The following FER1L6 variants were observed in gnomAD, a reference collection of about 807,000 sequenced individuals.
FER1L6 encodes the protein fer-1-like protein 6.
In FER1L6, 177 loss-of-function variants were observed where a neutral mutation model predicts 219.2. That is an observed-to-expected ratio of 0.81 (90% CI 0.71 to 0.91). The LOEUF (loss-of-function observed/expected upper bound fraction) is 0.91, where lower values mean the gene tolerates loss of function less well. FER1L6 is among the 40% of genes least tolerant of loss of function. FER1L6 has a pLI of 0.00. For missense variants in FER1L6, 2,153 were observed against 2,259.9 expected, an observed-to-expected ratio of 0.95 and a Z score of 0.96; for synonymous variants, 768 against 824.3, an observed-to-expected ratio of 0.93 and a Z score of 1.17.
intron 2 of FER1L6, among the ~76,000 whole-genome samples, chr8:123,961,117 C>T (rs992157086): frequency 1.1e-4 from 17 of 151,970 alleles, no homozygotes; most frequent in East Asian, 1.9e-4. Context: ...AAAAATTCAC[C>T]GGTTGTGGTG....
At chr8:124,020,348 G>C (rs1268796188) in intron 16 of FER1L6, among the ~76,000 whole-genome samples, 1 of 152,006 alleles carries the variant, frequency 6.6e-6, no homozygotes, top group Non-Finnish European at 1.5e-5. Context: ...GCTTTAGGAT[G>C]GACAAAGTTT....
chr8:123,911,016 A>G (rs116294371), intron 1 of FER1L6, among the ~76,000 whole-genome samples: 1 of 152,082 alleles, frequency 6.6e-6, no homozygotes, highest in Non-Finnish European at 1.5e-5. Flanking sequence ...CCAGGTACTG[A>G]AAAATGGAGC....
In FER1L6 at chr8:123,975,973, AG is replaced by A. The variant is rs773655660; in HGVS notation, c.762del (p.Leu255CysfsTer4). ...TCTATGTGAGACTCTACAAAGCAGAAGGGTTGCCCAAAATGAATTCAAGCAT... is the reference window on the plus strand; with the variant it reads ...TCTATGTGAGACTCTACAAAGCAGAAGGTTGCCCAAAATGAATTCAAGCAT... ...RFYVRLYKAE[G>X]LPKMNSSIMA... On this transcript the variant is annotated frameshift_variant, in exon 9 of 41. Transcript: ENST00000522917. LOFTEE classifies it high-confidence loss of function. 51 of 1,613,982 alleles carry A rather than the reference AG, an allele frequency of 3.2e-5. No homozygotes were observed. The highest frequency in any genetic ancestry group is 4.0e-5 in the Non-Finnish European group (47 of 1,179,974).
intron 1 of FER1L6, among the ~76,000 whole-genome samples, chr8:123,855,308 C>A (rs1469011011): frequency 6.6e-6 from 1 of 152,154 alleles, no homozygotes; most frequent in African/African-American, 2.4e-5. Context: ...CCACAAATGG[C>A]ATTCCATTTA....
chr8:123,924,913 A>C (rs138301720), intron 1 of FER1L6: 114 of 152,256 alleles, frequency 7.5e-4, no homozygotes, highest in African/African-American at 2.7e-3. Context: ...TGTTAATAGA[A>C]TGCTTCCCCG....
At chr8:123,949,749 C>T (rs1258033378) in intron 1 of FER1L6, among the ~76,000 whole-genome samples, 1 of 152,056 alleles carries the variant, frequency 6.6e-6, no homozygotes, top group Non-Finnish European at 1.5e-5. Context: ...CAGGTAGACC[C>T]AAAGGAAGAA....
intron 1 of FER1L6, among the ~76,000 whole-genome samples, chr8:123,894,406 T>C (rs1263809670): frequency 2.0e-5 from 3 of 152,338 alleles, no homozygotes; most frequent in African/African-American, 7.2e-5. Context: ...GCAATAATTG[T>C]TGTCTCAGTG....
intron 18 of FER1L6, among the ~76,000 whole-genome samples, chr8:124,032,712 G>A (rs1218728560): frequency 6.6e-6 from 1 of 151,260 alleles, no homozygotes; most frequent in East Asian, 1.9e-4. Flanking sequence ...CGTCACTCCA[G>A]CTTGGGTGAC....
chr8:124,003,206 G>A lies in FER1L6; in HGVS notation c.1559G>A (p.Gly520Glu), dbSNP rs1418046926. 4.3e-6 allele frequency: 7 copies of A among 1,613,948 alleles called. No individual in the cohort carries two copies. The highest frequency in any genetic ancestry group is 5.9e-6 in the Non-Finnish European group (7 of 1,180,000). ...GNLIDGGSHH[G>E]SKKSAESAEE... ...CTGATTGATGGAGGATCCCATCATG[G>A]GAGTAAGAAGTCAGCTGAATCAGCT... Residue 520 changes from glycine to glutamate, a missense_variant, in exon 13 of 41, where the codon GGG becomes GAG. Coordinates refer to ENST00000522917, the MANE Select transcript of FER1L6 (RefSeq NM_001039112.2).
chr8:124,002,388 T>C (rs1712542041), intron 12 of FER1L6, among the ~76,000 whole-genome samples: 1 of 152,132 alleles, frequency 6.6e-6, no homozygotes, highest in African/African-American at 2.4e-5. Flanking sequence ...TAGGAAGGCT[T>C]CCCAAGTTAA....
At chr8:123,872,212 G>A (rs183874471) in intron 1 of FER1L6, among the ~76,000 whole-genome samples, 130 of 152,212 alleles carry the variant, frequency 8.5e-4, no homozygotes, top group African/African-American at 2.8e-3. Flanking sequence ...TGAGAGATCC[G>A]CCCCATAATC....
At chr8:124,033,700 A>G (rs1819072652) in intron 18 of FER1L6, among the ~76,000 whole-genome samples, 1 of 152,172 alleles carries the variant, frequency 6.6e-6, no homozygotes. Flanking sequence ...ATTAGCTCAT[A>G]TTACCTAAAT....
At chr8:124,063,091 G>A (rs763928250) in intron 25 of FER1L6, among the ~76,000 whole-genome samples, 2 of 152,094 alleles carry the variant, frequency 1.3e-5, no homozygotes, top group African/African-American at 4.8e-5. Flanking sequence ...TACCCTTGCT[G>A]CCATATTAAT....
In FER1L6 at chr8:123,970,097, C is replaced by T. The variant is rs200807263; in HGVS notation, c.447C>T (p.Ser149=). Residue 149 remains serine, a splice_region_variant and synonymous_variant, in exon 6 of 41, where the codon TCC becomes TCT. Coordinates refer to ENST00000522917, the MANE Select transcript of FER1L6 (RefSeq NM_001039112.2). Reference sequence around the variant, plus strand: ...TTTTTGACAAGATCATCAAAATCTCCGTAAGTATAGCATTGGTGGTAATAG... The same window carrying T: ...TTTTTGACAAGATCATCAAAATCTCTGTAAGTATAGCATTGGTGGTAATAG... ...VHLFDKIIKI[S]VFHHKLIGSV... 139 of 1,613,466 alleles carry T rather than the reference C, an allele frequency of 8.6e-5. No homozygotes were observed. Among genetic ancestry groups the T allele is most frequent in the Middle Eastern group, 1.6e-4 (1 of 6,082 alleles).
At chr8:123,961,284 T>G (rs1267181074) in intron 2 of FER1L6, among the ~76,000 whole-genome samples, 1 of 151,924 alleles carries the variant, frequency 6.6e-6, no homozygotes, top group Non-Finnish European at 1.5e-5. Context: ...TAAAAAGAAA[T>G]GTAGAAGCTT....
At chr8:123,880,032 C>G (rs1019048192) in intron 1 of FER1L6, among the ~76,000 whole-genome samples, 3 of 152,138 alleles carry the variant, frequency 2.0e-5, no homozygotes, top group Admixed American at 1.3e-4. Flanking sequence ...AATTACAACA[C>G]AGCTTTAGAT....
At chr8:123,857,907 C>T (rs992806467) in intron 1 of FER1L6, among the ~76,000 whole-genome samples, 4 of 152,170 alleles carry the variant, frequency 2.6e-5, no homozygotes, top group Non-Finnish European at 5.9e-5. Context: ...ATAAACTCTC[C>T]AAAAGCTGAA....
chr8:123,918,819 T>C (rs1395557713), intron 1 of FER1L6, among the ~76,000 whole-genome samples: 1 of 152,130 alleles, frequency 6.6e-6, no homozygotes, highest in African/African-American at 2.4e-5. Flanking sequence ...TTCTGGGAGA[T>C]TCCAGTGTAA....
At chr8:123,937,793 T>C (rs1586488248) in intron 1 of FER1L6, among the ~76,000 whole-genome samples, 1 of 152,316 alleles carries the variant, frequency 6.6e-6, no homozygotes, top group East Asian at 1.9e-4. Flanking sequence ...AATATATTTT[T>C]TTCTGATATC....
Sources: allele counts gnomAD v4.1 joint callset (sites outside exome capture counted in the v4.1 genomes callset), GRCh38; gene constraint gnomAD v4.1.1; transcripts MANE v1.5; gene names NCBI Gene and HGNC (gene_info 2026-07-23, HGNC 2026-07-21).